NRAP: variants seen among roughly 807,000 people sequenced by gnomAD.
The protein encoded by NRAP is nebulin related anchoring protein.
In NRAP, 189 loss-of-function variants were observed where a neutral mutation model predicts 225.9. That is an observed-to-expected ratio of 0.84 (90% CI 0.74 to 0.94). The LOEUF (loss-of-function observed/expected upper bound fraction) is 0.94. Among genes scored for constraint, NRAP ranks in the 40% least tolerant of loss-of-function variants. The pLI, the probability that NRAP is intolerant of heterozygous loss-of-function variation, is 0.00. For missense variants in NRAP, 2,176 were observed against 2,168.7 expected (o/e 1.00, Z -0.07); for synonymous variants, 769 against 790.7 (o/e 0.97, Z 0.46).
intron 25 of NRAP, among the ~76,000 whole-genome samples, chr10:113,618,410 T>G (rs1440242919): frequency 6.6e-6 from 1 of 152,262 alleles, no homozygotes; most frequent in African/African-American, 2.4e-5. Context: ...GCCAGCTAAA[T>G]CTAGCTCACC....
chr10:113,632,628 G>T (rs921546087), intron 16 of NRAP, among the ~76,000 whole-genome samples: 2 of 149,740 alleles, frequency 1.3e-5, no homozygotes, highest in African/African-American at 5.1e-5. Flanking sequence ...GCCTGCCTCA[G>T]GATAGAACAG....
intron 35 of NRAP, among the ~76,000 whole-genome samples, chr10:113,604,114 A>G (rs1227581542): frequency 6.6e-6 from 1 of 152,060 alleles, no homozygotes; most frequent in Admixed American, 6.6e-5. Flanking sequence ...GAAGGTGGTC[A>G]ATAAAGACTG....
At chr10:113,601,215 G>T (rs562188921) in intron 35 of NRAP, among the ~76,000 whole-genome samples, 1 of 152,220 alleles carries the variant, frequency 6.6e-6, no homozygotes, top group African/African-American at 2.4e-5. Context: ...CAAGACATGG[G>T]AATGAACCAT....
chr10:113,626,761 G>A (rs1203565466), intron 20 of NRAP, among the ~76,000 whole-genome samples: 3 of 152,132 alleles, frequency 2.0e-5, no homozygotes, highest in African/African-American at 4.8e-5. Context: ...AGAAGCCTGC[G>A]GTCAGGTGAG....
chr10:113,651,468 T>C (rs1466661754), intron 7 of NRAP, among the ~76,000 whole-genome samples: 6 of 152,198 alleles, frequency 3.9e-5, no homozygotes, highest in Non-Finnish European at 8.8e-5. Flanking sequence ...ATGCATTAGC[T>C]ATTTATCCTG....
At chr10:113,638,367 T>C (rs925522422) in intron 14 of NRAP, among the ~76,000 whole-genome samples, 4 of 152,234 alleles carry the variant, frequency 2.6e-5, no homozygotes, top group African/African-American at 4.8e-5. Context: ...GAGTCTCATT[T>C]TAATTCTATT....
intron 36 of NRAP, among the ~76,000 whole-genome samples, chr10:113,597,654 G>A (rs536839113): frequency 6.6e-6 from 1 of 152,222 alleles, no homozygotes; most frequent in Non-Finnish European, 1.5e-5. Context: ...TCTGGACACA[G>A]AGTCAACTCA....
At position 113,606,219 on chromosome 10, in the gene NRAP, C is replaced by A; in HGVS notation, c.3766G>T (p.Glu1256Ter). The change falls in exon 33 of 42, where the codon GAG becomes TAG. Residue 1256 changes from glutamate to a stop codon, truncating the protein, a stop_gained. Coordinates refer to ENST00000359988, the MANE Select transcript of NRAP (RefSeq NM_198060.4). LOFTEE classifies it high-confidence loss of function. Reference protein sequence around the residue: ...HEYTMTLGLPEFIRAKTNAAN... With the variant: ...HEYTMTLGLP ...GCATTCGTTTTTGCTCGGATGAACT[C>A]GGGCAGACCCAGGGTCATTGTATAC... is the stretch of plus-strand genomic sequence containing the variant. 1 of 1,614,148 alleles carries A rather than the reference C, an allele frequency of 6.2e-7. No homozygotes were observed. Among genetic ancestry groups the A allele is most frequent in the Non-Finnish European group, 8.5e-7 (1 of 1,180,006 alleles).
chr10:113,660,514 G>A (rs891318471), intron 3 of NRAP, among the ~76,000 whole-genome samples: 3 of 152,058 alleles, frequency 2.0e-5, no homozygotes, highest in African/African-American at 7.2e-5. Context: ...CTTGCTCCAG[G>A]TTGGGCCTGT....
In NRAP at chr10:113,614,177, A is replaced by T; in HGVS notation, c.3300+6T>A. The T allele has an allele frequency of 6.3e-7, 1 of 1,593,878 alleles. No homozygotes were observed. The highest frequency in any genetic ancestry group is 8.6e-7 in the Non-Finnish European group (1 of 1,161,486). Reference sequence around the variant, plus strand: ...TGCAGCCGCTGATGCCTCTCCCCCCACTTACATCACTCTGCAGTGAGGTCG... The same window carrying T: ...TGCAGCCGCTGATGCCTCTCCCCCCTCTTACATCACTCTGCAGTGAGGTCG... On this transcript the variant is annotated splice_donor_region_variant and intron_variant, in intron 29 of 41. Transcript: ENST00000359988.
rs10749138 is a variant in NRAP at position 113,610,515 on chromosome 10, T to C, written c.3547A>G (p.Ile1183Val). 0.47 allele frequency: 748,477 copies of C among 1,585,822 alleles called. 180,866 individuals carry two copies. Among genetic ancestry groups the C allele is most frequent in the East Asian group, 0.61 (27,212 of 44,662 alleles). ...CCTTCAATCTCTAACGTGCCTGGAA[T>C]GACACATGCAACACCTCGCATAAAG... is the stretch of plus-strand genomic sequence containing the variant. ...LNFMRGVACV[I>V]PGTLEIEGRK... is the part of the protein sequence containing the mutation. Residue 1183 changes from isoleucine to valine, a missense_variant, in exon 31 of 42, where the codon ATT (isoleucine) becomes GTT (valine). Physicochemically the swap from Ile to Val is conservative, Grantham distance 29. Coordinates refer to ENST00000359988, the MANE Select transcript of NRAP (RefSeq NM_198060.4).
In NRAP at chr10:113,588,826, C is replaced by T; in HGVS notation, c.*149G>A. ...AGAGGACCACAAATACAACATTCTC[C>T]ATCTGCTTTCAGAGTTATTATTTTA... On this transcript the variant is annotated 3_prime_UTR_variant, in exon 42 of 42. Coordinates refer to ENST00000359988, the MANE Select transcript of NRAP (RefSeq NM_198060.4). The T allele has an allele frequency of 1.5e-6, 1 of 665,840 alleles. No homozygotes were observed. The highest frequency in any genetic ancestry group is 2.5e-5 in the Admixed American group (1 of 39,238). 41.2% of individuals were successfully genotyped at this position (665,840 alleles called of 1,614,324 possible). A position where few individuals can be genotyped will look rare whatever the true frequency, so the allele number is the denominator to read the frequency against.
chr10:113,649,464 G>C (rs986525026), intron 9 of NRAP, among the ~76,000 whole-genome samples: 11 of 152,304 alleles, frequency 7.2e-5, no homozygotes, highest in Admixed American at 2.6e-4. Context: ...TACCAGAAAA[G>C]ACAGAGGGAT....
intron 24 of NRAP, among the ~76,000 whole-genome samples, chr10:113,621,086 C>T (rs957776395): frequency 1.5e-4 from 23 of 152,202 alleles, no homozygotes; most frequent in African/African-American, 5.5e-4. Flanking sequence ...GAATTCACAA[C>T]AGAACCCAGG....
intron 39 of NRAP, 55 bp downstream of exon 39, chr10:113,592,139 G>T: frequency 6.0e-6 from 7 of 1,163,616 alleles, no homozygotes; most frequent in Non-Finnish European, 8.7e-6. Context: ...AACAGAACTG[G>T]GAAAACCAGA....
chr10:113,596,246 T>G (rs1479673567), intron 37 of NRAP, among the ~76,000 whole-genome samples: 2 of 152,242 alleles, frequency 1.3e-5, no homozygotes, highest in Non-Finnish European at 2.9e-5. Flanking sequence ...AGACACAATT[T>G]TAAAACTCAA....
chr10:113,657,656 G>T, intron 3 of NRAP, 82 bp from the exon 4 acceptor site: 1 of 837,816 alleles, frequency 1.2e-6, no homozygotes, highest in Non-Finnish European at 2.0e-6. Flanking sequence ...GCTAAAATTG[G>T]GGGATTTTGC....
chr10:113,618,045 T>A (rs1435157754), intron 25 of NRAP, among the ~76,000 whole-genome samples: 14 of 151,886 alleles, frequency 9.2e-5, no homozygotes, highest in Admixed American at 9.2e-4. Flanking sequence ...CATTAGAGCC[T>A]AGTTCAGTTA....
At chr10:113,606,359 C>T (rs560116553) in intron 32 of NRAP, 77 bp from the exon 33 acceptor site, 30 of 888,042 alleles carry the variant, frequency 3.4e-5, no homozygotes, top group East Asian at 1.0e-4. Flanking sequence ...AGTCCCTCAA[C>T]GATAGTTGAG....
Sources: allele counts gnomAD v4.1 joint callset (sites outside exome capture counted in the v4.1 genomes callset), GRCh38; gene constraint gnomAD v4.1.1; transcripts MANE v1.5; gene names NCBI Gene and HGNC (gene_info 2026-07-23, HGNC 2026-07-21).